MYH7B: variants seen among roughly 807,000 people sequenced by gnomAD.
The protein encoded by MYH7B is myosin-7B.
In MYH7B, 205 loss-of-function variants were observed where a neutral mutation model predicts 234.5. The ratio of observed to expected loss-of-function variants is 0.87; its 90% confidence interval spans 0.78 to 0.98. The LOEUF is 0.98. MYH7B is among the 50% of genes least tolerant of loss of function. The pLI is 0.00. For synonymous variants in MYH7B, 1,193 were observed against 1,105.0 expected (o/e 1.08, Z -1.58); for missense variants, 2,652 against 2,633.4 (o/e 1.01, Z -0.15).
chr20:34,993,055 G>A, intron 24 of MYH7B, 47 bp from the exon 25 acceptor site: 5 of 1,585,326 alleles, frequency 3.2e-6, no homozygotes, highest in Non-Finnish European at 3.4e-6. Context: ...AGTGGCCTGT[G>A]CCCCATACCC....
At chr20:34,983,613 G>A (rs1212631572) in intron 10 of MYH7B, among the ~76,000 whole-genome samples, 2 of 152,116 alleles carry the variant, frequency 1.3e-5, no homozygotes, top group African/African-American at 4.8e-5. Flanking sequence ...TCGGGCAAGG[G>A]AGGGGTGGGA....
exon 39 of MYH7B, chr20:35,000,669 C>A (rs757388557): frequency 6.3e-7 from 1 of 1,589,592 alleles, no homozygotes; most frequent in Non-Finnish European, 8.6e-7. Flanking sequence ...CACCGAGCGC[C>A]TCAACCTTCT....
exon 45 of MYH7B, chr20:35,002,293 A>G (rs4911167): frequency 0.62 from 830,942 of 1,339,036 alleles, 260,548 homozygotes; most frequent in Admixed American, 0.77. Flanking sequence ...TGCTGCCTTC[A>G]GCCTTCCCTG....
rs910322086 is a variant in MYH7B, at chr20:34,998,506, T to C, written c.3875-5T>C. ...TGACCTGTCCGCTCGCCTCTTTGCC[T>C]GCAGGGGAGCTGAGTCGCCTGCTAG... On this transcript the variant is annotated splice_polypyrimidine_tract_variant and splice_region_variant and intron_variant, in intron 33 of 44. Coordinates refer to ENST00000262873, the Ensembl canonical transcript of MYH7B. 1.9e-6 allele frequency: 3 copies of C among 1,613,228 alleles called. No individual in the cohort carries two copies. Among genetic ancestry groups the C allele is most frequent in the South Asian group, 1.1e-5 (1 of 91,070 alleles).
chr20:34,980,813 C>T (rs1325625096), intron 8 of MYH7B, 79 bp downstream of exon 8: 8 of 1,568,944 alleles, frequency 5.1e-6, no homozygotes, highest in Non-Finnish European at 6.1e-6. Flanking sequence ...ACCCCCTTCC[C>T]CCACTGGCAC....
chr20:34,990,515 G>A (rs1485894975), intron 22 of MYH7B: 1 of 848,782 alleles, frequency 1.2e-6, no homozygotes, highest in South Asian at 1.3e-5. Flanking sequence ...GAAGGGGTGG[G>A]AGCCCTGGGG....
rs1484061125 is a variant in MYH7B at position 35,001,543 on chromosome 20, C to T, written c.5676+17C>T. 2 of 1,582,674 alleles carry T rather than the reference C, an allele frequency of 1.3e-6. No individual in the cohort carries two copies. The highest frequency in any genetic ancestry group is 1.7e-6 in the Non-Finnish European group (2 of 1,164,176). On this transcript the variant is annotated intron_variant, in intron 43 of 44. Coordinates refer to ENST00000262873, the Ensembl canonical transcript of MYH7B. The stretch of plus-strand genomic sequence containing the variant: ...GAGGAGGCGGTGAGTGCGCTGGGGC[C>T]TGGACACCTGGACCGGGCACCCCAG...
At position 34,963,228 on chromosome 20, in the gene MYH7B, G is replaced by A. The variant is rs2378263; in HGVS notation, c.-222+5016G>A. ...TTCAAATATTTTCAAGCTGCAGTTG[G>A]TTGAATACACAGATGTGGAACCCAT... On this transcript the variant is annotated intron_variant, in intron 2 of 44. Coordinates refer to ENST00000262873, the Ensembl canonical transcript of MYH7B. 9.2e-4 allele frequency among the ~76,000 whole-genome samples: 140 copies of A among 152,346 alleles called. 3 individuals carry two copies. The East Asian group carries it at 0.024, about 26-fold the overall frequency.
rs181792136 is a variant in MYH7B, at chr20:34,999,597, G to A, written c.4567G>A (p.Val1523Met). The change falls in exon 37 of 45, where the codon GTG (valine) becomes ATG (methionine). Residue 1523 changes from valine to methionine, a missense_variant. Around this residue, in one of 3 missense-constraint regions of MYH7B, gnomAD observed 2,279 missense variants for 2,211.4 expected, o/e 1.03. Transcript: ENST00000262873. ...GGAGATCAGCGACCTCACAGACCAGGTGAGTCTCAGTGGGAAGAGCATCCA... is the reference window on the plus strand; with the variant it reads ...GGAGATCAGCGACCTCACAGACCAGATGAGTCTCAGTGGGAAGAGCATCCA... The A allele has an allele frequency of 2.2e-5, 35 of 1,612,830 alleles. No individual in the cohort carries two copies. The African/African-American group carries it at 3.5e-4, about 16-fold the overall frequency.
chr20:34,968,528 C>T (rs1462229920), intron 2 of MYH7B, among the ~76,000 whole-genome samples: 1 of 152,230 alleles, frequency 6.6e-6, no homozygotes, highest in Non-Finnish European at 1.5e-5. Flanking sequence ...TCCAGGCTGG[C>T]CTCCCAGGCC....
chr20:34,992,547 C>T (rs1338779725), intron 24 of MYH7B, among the ~76,000 whole-genome samples: 1 of 149,416 alleles, frequency 6.7e-6, no homozygotes, highest in Admixed American at 6.9e-5. Context: ...CATTTAAAAT[C>T]CCCCCAAGGT....
chr20:34,989,145 A>G (rs1274747763), intron 19 of MYH7B, among the ~76,000 whole-genome samples: 1 of 152,186 alleles, frequency 6.6e-6, no homozygotes, highest in Non-Finnish European at 1.5e-5. Context: ...ATTTCATTTC[A>G]TATCCTACTT....
In MYH7B at chr20:34,987,153, C is replaced by A. The variant is rs750801877; in HGVS notation, c.1013C>A (p.Ala338Asp). The change falls in exon 16 of 45, where the codon GCC (alanine) becomes GAC (aspartate). Residue 338 changes from alanine to aspartate, a missense_variant. This residue lies in a region of MYH7B where 2,279 missense variants were observed against 2,211.4 expected (regional missense o/e 1.03). Coordinates refer to ENST00000262873, the Ensembl canonical transcript of MYH7B. ...GCTTTCCCTGCTGCCCCCCAGCATG[C>A]CATGGACATCCTAGGCTTCAGCGTG... is the stretch of plus-strand genomic sequence containing the variant. 3.1e-6 allele frequency: 5 copies of A among 1,613,218 alleles called. No individual in the cohort carries two copies. In the Admixed American group the frequency reaches 8.3e-5, roughly 27 times the overall value.
At chr20:34,976,441 C>G (rs1052737098) in intron 3 of MYH7B, among the ~76,000 whole-genome samples, 2 of 152,328 alleles carry the variant, frequency 1.3e-5, no homozygotes, top group Non-Finnish European at 2.9e-5. Flanking sequence ...TCCTTTCATT[C>G]TCGATTCTAA....
chr20:34,971,817 C>G (rs2081796038), intron 2 of MYH7B, among the ~76,000 whole-genome samples: 1 of 152,218 alleles, frequency 6.6e-6, no homozygotes, highest in African/African-American at 2.4e-5. Flanking sequence ...ATAAAAATGC[C>G]TTTGATGGCG....
intron 2 of MYH7B, among the ~76,000 whole-genome samples, chr20:34,972,461 C>A (rs546987512): frequency 1.4e-4 from 22 of 152,080 alleles, no homozygotes; most frequent in Non-Finnish European, 3.1e-4. Flanking sequence ...AGTACACGTA[C>A]CCCATTACCC....
exon 29 of MYH7B, chr20:34,996,499 C>G: frequency 6.2e-7 from 1 of 1,611,268 alleles, no homozygotes. Flanking sequence ...GGCCAAGCTC[C>G]GGCTGGAGCA....
At position 34,990,026 on chromosome 20, in the gene MYH7B, A is replaced by G. The variant is rs1357971421; in HGVS notation, c.1780A>G (p.Ile594Val). 1.9e-6 allele frequency: 3 copies of G among 1,614,000 alleles called. No individual in the cohort carries two copies. Among genetic ancestry groups the G allele is most frequent in the Non-Finnish European group, 2.5e-6 (3 of 1,180,014 alleles). Residue 594 changes from isoleucine to valine, a missense_variant, in exon 21 of 45, where the codon ATT (isoleucine) becomes GTT (valine). Transcript: ENST00000262873. ...CTTGTCTCTCCAGGTGCCTTACAGCATTGTGGGCTGGCTGGAGAAAAACAA... is the reference window on the plus strand; with the variant it reads ...CTTGTCTCTCCAGGTGCCTTACAGCGTTGTGGGCTGGCTGGAGAAAAACAA...
chr20:35,000,970 G>T lies in MYH7B; in HGVS notation c.5305-18G>T. 1 of 1,613,520 alleles carries T rather than the reference G, an allele frequency of 6.2e-7. No individual in the cohort carries two copies. The highest frequency in any genetic ancestry group is 8.5e-7 in the Non-Finnish European group (1 of 1,179,802). On this transcript the variant is annotated intron_variant, in intron 40 of 44. Coordinates refer to ENST00000262873, the Ensembl canonical transcript of MYH7B. The stretch of plus-strand genomic sequence containing the variant: ...TTCCCTGAGGCTGGGCACCTGACCA[G>T]CTCCTCCTCCCCAACAGGCGGCCAT...
Sources: gnomAD v4.1 joint callset for allele counts (sites outside exome capture counted in the v4.1 genomes callset) on GRCh38, gnomAD v4.1.1 for gene constraint, gnomAD v4.1.1 regional missense constraint, MANE v1.5 for transcripts, NCBI Gene and HGNC (gene_info 2026-07-23, HGNC 2026-07-21) for gene names.